C9orf40: variants seen among roughly 807,000 people sequenced by gnomAD.
C9orf40 encodes chromosome 9 open reading frame 40, also known as uncharacterized protein C9orf40.
C9orf40 carries 2 observed loss-of-function variants against 7.9 expected under a neutral mutation model. That is an observed-to-expected ratio of 0.25 (90% CI 0.10 to 0.80). The LOEUF (loss-of-function observed/expected upper bound fraction) is 0.80, where lower values mean the gene tolerates loss of function less well. C9orf40 is among the 30% of genes least tolerant of loss of function. C9orf40 has a pLI of 0.68. For synonymous variants in C9orf40, 113 were observed against 117.6 expected, an observed-to-expected ratio of 0.96 and a Z score of 0.25; for missense variants, 256 against 268.5, an observed-to-expected ratio of 0.95 and a Z score of 0.33.
Position 74,952,169 on chromosome 9 carries a change from C to A in C9orf40, c.426+17G>T. 1 of 464,148 alleles carries A rather than the reference C, an allele frequency of 2.2e-6. No homozygotes were observed. Among genetic ancestry groups the A allele is most frequent in the Non-Finnish European group, 3.4e-6 (1 of 297,690 alleles). The allele number at this position is 464,148 out of a possible 1,614,324, so 28.8% of individuals were successfully genotyped here. A position where few individuals can be genotyped will look rare whatever the true frequency, so the allele number is the denominator to read the frequency against. ...CAAGCCCCTTCGCCCCTCAGCCCAC[C>A]CGCCCCCAGCCCCTACCTGGCGCGA... On this transcript the variant is annotated intron_variant, in intron 1 of 1. Transcript: ENST00000376854. The surrounding 1 kb of genome is among the most constrained non-coding windows in gnomAD (Gnocchi z 5.4).
chr9:74,949,039 C>G (rs898409411), intron 1 of C9orf40, among the ~76,000 whole-genome samples: 4 of 152,182 alleles, frequency 2.6e-5, no homozygotes, highest in African/African-American at 9.7e-5. Flanking sequence ...CAAACTTTGC[C>G]ACCAGACAGA....
chr9:74,951,954 C>G (rs1257741222), intron 1 of C9orf40, among the ~76,000 whole-genome samples: 1 of 152,328 alleles, frequency 6.6e-6, no homozygotes, highest in South Asian at 2.1e-4. Flanking sequence ...CCACTTCTAT[C>G]GCTCCCGACC....
In C9orf40 at chr9:74,952,598, C is replaced by G; in HGVS notation, c.14G>C (p.Arg5Pro). 1 of 1,566,740 alleles carries G rather than the reference C, an allele frequency of 6.4e-7. No homozygotes were observed. The highest frequency in any genetic ancestry group is 8.6e-7 in the Non-Finnish European group (1 of 1,166,870). Residue 5 changes from arginine to proline, a missense_variant, in exon 1 of 2, where the codon CGT becomes CCT. Transcript: ENST00000376854. This position sits in a 1 kb window ranked among gnomAD's most constrained non-coding sequence, Gnocchi z 5.4. MAKR[R>P]AAEPVTFHVP... The stretch of plus-strand genomic sequence containing the variant: ...GTGGAACGTCACCGGCTCGGCCGCA[C>G]GCCGCTTGGCCATGGGCCCAGAGGC...
intron 1 of C9orf40, 95 bp from the exon 2 acceptor site, chr9:74,948,301 T>C (rs1305099831): frequency 1.3e-5 from 10 of 752,670 alleles, no homozygotes; most frequent in Non-Finnish European, 2.1e-5. Flanking sequence ...CAAACTCATA[T>C]AAGATTTTGT....
rs1587636520 is a variant in C9orf40, at chr9:74,952,293, C to T, written c.319G>A (p.Gly107Arg). The change falls in exon 1 of 2, where the codon GGG becomes AGG. Residue 107 changes from glycine to arginine, a missense_variant. Coordinates refer to ENST00000376854, the MANE Select transcript of C9orf40 (RefSeq NM_017998.3). This position sits in a 1 kb window ranked among gnomAD's most constrained non-coding sequence, Gnocchi z 5.4. ...PPLPPPPVLP[G>R]PGEELPGARL... ...GCGCCCGGGAGCTCCTCCCCCGGCC[C>T]CGGCAGTACGGGCGGCGGCGGCAGC... 1 of 1,327,792 alleles carries T rather than the reference C, an allele frequency of 7.5e-7. No homozygotes were observed. Among genetic ancestry groups the T allele is most frequent in the Non-Finnish European group, 9.6e-7 (1 of 1,042,978 alleles). 82.3% of individuals were successfully genotyped at this position (1,327,792 alleles called of 1,614,324 possible).
Position 74,948,221 on chromosome 9 carries a change from G to A in C9orf40, c.427-15C>T. 6.3e-7 allele frequency: 1 copy of A among 1,591,114 alleles called. No homozygotes were observed. Among genetic ancestry groups the A allele is most frequent in the East Asian group, 2.3e-5 (1 of 44,114 alleles). On this transcript the variant is annotated splice_polypyrimidine_tract_variant and intron_variant, in intron 1 of 1. Transcript: ENST00000376854. The stretch of plus-strand genomic sequence containing the variant: ...TCTTCATTGTGCTTTAGAGAAAAAA[G>A]AGAGATCAAAGAGCATCAATAGCTT...
chr9:74,950,593 GA>G (rs71497367), intron 1 of C9orf40, among the ~76,000 whole-genome samples: 8,226 of 114,820 alleles, frequency 0.072, 386 homozygotes, highest in East Asian at 0.29. Context: ...TCAACCATAG[GA>G]AAAAAAAAAA....
chr9:74,947,842 C>A lies in C9orf40; in HGVS notation c.*206G>T. 2.3e-6 allele frequency: 1 copy of A among 431,800 alleles called. No individual in the cohort carries two copies. Among genetic ancestry groups the A allele is most frequent in the Non-Finnish European group, 4.0e-6 (1 of 248,110 alleles). 26.7% of individuals were successfully genotyped at this position (431,800 alleles called of 1,614,324 possible). On this transcript the variant is annotated 3_prime_UTR_variant, in exon 2 of 2. Coordinates refer to ENST00000376854, the MANE Select transcript of C9orf40 (RefSeq NM_017998.3). ...AGAATGCATACATAAAATACTTCCC[C>A]TACAACTGTACTCTATCCTTGACAA...
chr9:74,950,374 G>A (rs1832283293), intron 1 of C9orf40, among the ~76,000 whole-genome samples: 1 of 152,214 alleles, frequency 6.6e-6, no homozygotes, highest in African/African-American at 2.4e-5. Context: ...AGTATAGACA[G>A]TGTATTCTGT....
rs922872365 is a variant in C9orf40, at chr9:74,952,307, G to A, written c.305C>T (p.Pro102Leu). The A allele has an allele frequency of 3.6e-6, 5 of 1,372,512 alleles. No individual in the cohort carries two copies. The highest frequency in any genetic ancestry group is 3.5e-5 in the South Asian group (2 of 56,460). 85.0% of individuals were successfully genotyped at this position (1,372,512 alleles called of 1,614,324 possible). A position where few individuals can be genotyped will look rare whatever the true frequency, so the allele number is the denominator to read the frequency against. Reference protein sequence around the residue: ...LETGDPPLPPPPVLPGPGEEL... With the variant: ...LETGDPPLPPLPVLPGPGEEL... ...CTCCCCCGGCCCCGGCAGTACGGGCGGCGGCGGCAGCGGCGGATCGCCTGT... is the reference window on the plus strand; with the variant it reads ...CTCCCCCGGCCCCGGCAGTACGGGCAGCGGCGGCAGCGGCGGATCGCCTGT... Residue 102 changes from proline to leucine, a missense_variant, in exon 1 of 2, where the codon CCG (proline) becomes CTG (leucine). By Grantham distance (98) the Pro-to-Leu change is moderately conservative (BLOSUM62 -3). Coordinates refer to ENST00000376854, the MANE Select transcript of C9orf40 (RefSeq NM_017998.3). This position sits in a 1 kb window ranked among gnomAD's most constrained non-coding sequence, Gnocchi z 5.4.
chr9:74,951,021 T>C (rs1379467798), intron 1 of C9orf40, among the ~76,000 whole-genome samples: 1 of 152,258 alleles, frequency 6.6e-6, no homozygotes, highest in East Asian at 1.9e-4. Flanking sequence ...GTAATCAATA[T>C]AAAATTGAGC....
rs1207717159 is a variant in C9orf40, at chr9:74,947,264, T to G, written c.*784A>C. 2 of 152,658 alleles carry G rather than the reference T, an allele frequency of 1.3e-5. No homozygotes were observed. Among genetic ancestry groups the G allele is most frequent in the Non-Finnish European group, 2.9e-5 (2 of 68,040 alleles). The allele number at this position is 152,658 out of a possible 1,614,324, so 9.5% of individuals were successfully genotyped here. Reference sequence around the variant, plus strand: ...AGAGTGAGGCCCAGGCAAAGATTTTTAAAGTGCTGTCAGTGTTGAAAACTA... The same window carrying G: ...AGAGTGAGGCCCAGGCAAAGATTTTGAAAGTGCTGTCAGTGTTGAAAACTA... On this transcript the variant is annotated 3_prime_UTR_variant, in exon 2 of 2. Coordinates refer to ENST00000376854, the MANE Select transcript of C9orf40 (RefSeq NM_017998.3).
In C9orf40 at chr9:74,949,403, A is replaced by G. The variant is rs1832274878; in HGVS notation, c.427-1197T>C. ...AATAAACAAGAAACTAACAGTTAAC[A>G]CTGACAGAGCAGTGAATCTACATAG... On this transcript the variant is annotated intron_variant, in intron 1 of 1. Transcript: ENST00000376854. 2.6e-5 allele frequency among the ~76,000 whole-genome samples: 4 copies of G among 152,298 alleles called. No individual in the cohort carries two copies. In the South Asian group the frequency reaches 8.3e-4, roughly 32 times the overall value.
In C9orf40 at chr9:74,950,645, G is replaced by T. The variant is rs1263425739; in HGVS notation, c.426+1541C>A. Among the ~76,000 whole-genome samples, 3 of 151,440 alleles carry T rather than the reference G, an allele frequency of 2.0e-5. No homozygotes were observed. In the East Asian group the frequency reaches 5.8e-4, roughly 29 times the overall value. On this transcript the variant is annotated intron_variant, in intron 1 of 1. Coordinates refer to ENST00000376854, the MANE Select transcript of C9orf40 (RefSeq NM_017998.3). ...CTATAAAACTCTCGTTATTTTATTG[G>T]ATTTTTCACATGAACAAGTCATGCC...
chr9:74,948,278 T>C lies in C9orf40; in HGVS notation c.427-72A>G, dbSNP rs1587635070. ...AATTAAGTTTTTTTCAGAAAACAAA[T>C]TTGTTTTAAAGGCAAACTCATATAA... On this transcript the variant is annotated intron_variant, in intron 1 of 1. Coordinates refer to ENST00000376854, the MANE Select transcript of C9orf40 (RefSeq NM_017998.3). 2.7e-6 allele frequency: 3 copies of C among 1,126,104 alleles called. No individual in the cohort carries two copies. The East Asian group carries it at 7.4e-5, about 28-fold the overall frequency. 69.8% of individuals were successfully genotyped at this position (1,126,104 alleles called of 1,614,324 possible).
chr9:74,952,163 G>GCCCCCCCCCCCCCCCCCC lies in C9orf40; in HGVS notation c.426+22_426+23insGGGGGGGGGGGGGGGGGG. 2.8e-6 allele frequency: 1 copy of GCCCCCCCCCCCCCCCCCC among 351,746 alleles called. No individual in the cohort carries two copies. The allele number at this position is 351,746 out of a possible 1,614,324, so 21.8% of individuals were successfully genotyped here. ...AAAAGGCAAGCCCCTTCGCCCCTCAGCCCACCCGCCCCCAGCCCCTACCTG... is the reference window on the plus strand; with the variant it reads ...AAAAGGCAAGCCCCTTCGCCCCTCAGCCCCCCCCCCCCCCCCCCCCCACCCGCCCCCAGCCCCTACCTG... On this transcript the variant is annotated intron_variant, in intron 1 of 1. Transcript: ENST00000376854. The surrounding 1 kb of genome is among the most constrained non-coding windows in gnomAD (Gnocchi z 5.4).
chr9:74,952,176 C>CCCCCCCAAAA lies in C9orf40; in HGVS notation c.426+9_426+10insTTTTGGGGGG. The CCCCCCCAAAA allele has an allele frequency of 1.6e-6, 1 of 616,366 alleles. No individual in the cohort carries two copies. The allele number at this position is 616,366 out of a possible 1,614,324, so 38.2% of individuals were successfully genotyped here. On this transcript the variant is annotated intron_variant, in intron 1 of 1. Coordinates refer to ENST00000376854, the MANE Select transcript of C9orf40 (RefSeq NM_017998.3). The surrounding 1 kb of genome is among the most constrained non-coding windows in gnomAD (Gnocchi z 5.4). ...CTTCGCCCCTCAGCCCACCCGCCCC[C>CCCCCCCAAAA]AGCCCCTACCTGGCGCGATGCGACC...
chr9:74,948,264 TTTC>T, intron 1 of C9orf40, 58 bp from the exon 2 acceptor site: 1 of 1,034,388 alleles, frequency 9.7e-7, no homozygotes, highest in Non-Finnish European at 1.4e-6. Flanking sequence ...ATTAAGTTTT[TTTC>T]AGAAAACAAA....
In C9orf40 at chr9:74,952,159, CTCAGCCCA is replaced by C; in HGVS notation, c.426+19_426+26del. 1.8e-6 allele frequency: 1 copy of C among 568,300 alleles called. No homozygotes were observed. Among genetic ancestry groups the C allele is most frequent in the Non-Finnish European group, 2.6e-6 (1 of 388,012 alleles). 35.2% of individuals were successfully genotyped at this position (568,300 alleles called of 1,614,324 possible). ...GGGGAAAAGGCAAGCCCCTTCGCCC[CTCAGCCCA>C]CCCGCCCCCAGCCCCTACCTGGCGC... On this transcript the variant is annotated intron_variant, in intron 1 of 1. Coordinates refer to ENST00000376854, the MANE Select transcript of C9orf40 (RefSeq NM_017998.3). This position sits in a 1 kb window ranked among gnomAD's most constrained non-coding sequence, Gnocchi z 5.4.
Sources: gnomAD v4.1 joint callset for allele counts (sites outside exome capture counted in the v4.1 genomes callset) on GRCh38, gnomAD v4.1.1 for gene constraint, Gnocchi (gnomAD v3.1) non-coding constraint, MANE v1.5 for transcripts, NCBI Gene and HGNC (gene_info 2026-07-23, HGNC 2026-07-21) for gene names.